SDCBP: variants seen among roughly 807,000 people sequenced by gnomAD.
SDCBP encodes syntenin-1.
A neutral mutation model predicts 30.5 loss-of-function variants in SDCBP; 22 were observed. That is an observed-to-expected ratio of 0.72 (90% CI 0.52 to 1.03). SDCBP has a LOEUF of 1.03. Among genes scored for constraint, SDCBP ranks in the 50% least tolerant of loss-of-function variants. SDCBP has a pLI of 0.00. For missense variants in SDCBP, 304 were observed against 369.9 expected (o/e 0.82, Z 1.46); for synonymous variants, 103 against 118.7 (o/e 0.87, Z 0.86).
chr8:58,555,169 C>G (rs1204048389), intron 1 of SDCBP, among the ~76,000 whole-genome samples: 1 of 152,166 alleles, frequency 6.6e-6, no homozygotes, highest in Non-Finnish European at 1.5e-5. Context: ...TGCTGTTACA[C>G]TCAGTGCTGC....
At chr8:58,558,439 C>T (rs114985297) in intron 1 of SDCBP, among the ~76,000 whole-genome samples, 2,187 of 152,122 alleles carry the variant, frequency 0.014, 62 homozygotes, top group African/African-American at 0.051. Context: ...GTGCTGCTGT[C>T]CCTGGCTAGT....
rs138362948 is a variant in SDCBP, at chr8:58,557,910, G to A, written c.-16+4607G>A. On this transcript the variant is annotated intron_variant, in intron 1 of 8. Coordinates refer to ENST00000260130, the MANE Select transcript of SDCBP (RefSeq NM_005625.4). ...ATAAGAGTTGCAAGTGAGGTAAAATGAGATTCTTCCACTGATGTAATAGTT... is the reference window on the plus strand; with the variant it reads ...ATAAGAGTTGCAAGTGAGGTAAAATAAGATTCTTCCACTGATGTAATAGTT... Among the ~76,000 whole-genome samples the A allele has an allele frequency of 8.7e-3, 1,322 of 152,278 alleles. 22 individuals carry two copies. Among genetic ancestry groups the A allele is most frequent in the African/African-American group, 0.03 (1,237 of 41,556 alleles).
chr8:58,577,990 C>G (rs750609968), intron 5 of SDCBP, 43 bp from the exon 6 acceptor site: 1 of 1,443,938 alleles, frequency 6.9e-7, no homozygotes, highest in South Asian at 1.1e-5. Flanking sequence ...AAAACCGTAT[C>G]ATAGTAGTGG....
chr8:58,572,798 ATCT>A (rs1162515493), intron 4 of SDCBP, among the ~76,000 whole-genome samples: 1 of 116,746 alleles, frequency 8.6e-6, no homozygotes, highest in Non-Finnish European at 1.7e-5. Context: ...GTTGCTCATA[ATCT>A]TTTTTTTTTT....
At chr8:58,565,175 T>C in intron 2 of SDCBP, 91 bp downstream of exon 2, 1 of 572,492 alleles carries the variant, frequency 1.7e-6, no homozygotes, top group Non-Finnish European at 3.0e-6. Context: ...AAATAGCAGA[T>C]ATATTTGTTC....
intron 4 of SDCBP, among the ~76,000 whole-genome samples, chr8:58,573,814 A>G (rs1805174856): frequency 6.6e-6 from 1 of 152,208 alleles, no homozygotes; most frequent in Non-Finnish European, 1.5e-5. Flanking sequence ...GCTGACAAAC[A>G]GTAGTTTAAT....
chr8:58,567,162 G>A (rs1804744659), intron 2 of SDCBP, among the ~76,000 whole-genome samples: 1 of 152,148 alleles, frequency 6.6e-6, no homozygotes, highest in Non-Finnish European at 1.5e-5. Flanking sequence ...TTCAAAGTAA[G>A]TTTGAAATAA....
intron 5 of SDCBP, among the ~76,000 whole-genome samples, chr8:58,576,940 G>A (rs542634375): frequency 8.3e-4 from 127 of 152,326 alleles, no homozygotes; most frequent in African/African-American, 2.8e-3. Context: ...TGAGGCCATC[G>A]ATGATGGCCT....
chr8:58,564,768 T>C (rs763101457), intron 1 of SDCBP, among the ~76,000 whole-genome samples: 4 of 152,222 alleles, frequency 2.6e-5, no homozygotes, highest in Non-Finnish European at 5.9e-5. Context: ...GGACTTTTAC[T>C]TGAATTTTAA....
intron 1 of SDCBP, chr8:58,561,612 CTT>C: frequency 2.0e-6 from 1 of 494,646 alleles, no homozygotes; most frequent in Non-Finnish European, 3.6e-6. Flanking sequence ...TGTGGCAAAA[CTT>C]TTCTTTAAAA....
In SDCBP at chr8:58,570,949, T is replaced by C. The variant is rs201808583; in HGVS notation, c.114T>C (p.Pro38=). ...CAATTTTGTCAGAAGCTTCTGCTCCTATCCCTCACGATGGAAGTAGGTTTA... is the reference window on the plus strand; with the variant it reads ...CAATTTTGTCAGAAGCTTCTGCTCCCATCCCTCACGATGGAAGTAGGTTTA... The part of the protein sequence containing the change: ...NPAILSEASA[P]IPHDGNLYPR... Residue 38 remains proline (P), a synonymous_variant, in exon 3 of 9, where the codon CCT becomes CCC. Coordinates refer to ENST00000260130, the MANE Select transcript of SDCBP (RefSeq NM_005625.4). 1.4e-5 allele frequency: 23 copies of C among 1,611,472 alleles called. No individual in the cohort carries two copies. The East Asian group carries it at 5.1e-4, about 36-fold the overall frequency.
chr8:58,576,446 C>T (rs1563514388), intron 5 of SDCBP: 1 of 156,598 alleles, frequency 6.4e-6, no homozygotes. Flanking sequence ...GACGGAGTCT[C>T]GTTCTGTCGC....
intron 1 of SDCBP, among the ~76,000 whole-genome samples, chr8:58,555,189 A>G (rs905319536): frequency 2.6e-5 from 4 of 152,290 alleles, no homozygotes; most frequent in East Asian, 1.9e-4. Flanking sequence ...CAGTGAATCA[A>G]CTTTTACATA....
At chr8:58,570,672 T>A in intron 2 of SDCBP, 1 of 443,906 alleles carries the variant, frequency 2.3e-6, no homozygotes, top group Non-Finnish European at 4.0e-6. Context: ...AATTTTTTTG[T>A]GATAGCCTTA....
chr8:58,563,235 G>A (rs985846323), intron 1 of SDCBP, among the ~76,000 whole-genome samples: 2 of 152,108 alleles, frequency 1.3e-5, no homozygotes, highest in African/African-American at 4.8e-5. Flanking sequence ...ACATACAATG[G>A]AATATTATTC....
At chr8:58,556,872 T>C (rs1211512236) in intron 1 of SDCBP, among the ~76,000 whole-genome samples, 4 of 68,148 alleles carry the variant, frequency 5.9e-5, no homozygotes, top group Non-Finnish European at 1.3e-4. Flanking sequence ...ACATATATAA[T>C]ACATATATAT....
intron 2 of SDCBP, among the ~76,000 whole-genome samples, chr8:58,567,065 T>G (rs2129607759): frequency 6.6e-6 from 1 of 152,336 alleles, no homozygotes; most frequent in East Asian, 1.9e-4. Flanking sequence ...GCATGTTTTT[T>G]CCACATCCTT....
chr8:58,557,064 TATATA>T (rs1804164133), intron 1 of SDCBP, among the ~76,000 whole-genome samples: 1 of 129,358 alleles, frequency 7.7e-6, no homozygotes, highest in Non-Finnish European at 1.5e-5. Flanking sequence ...TATACTATAT[TATATA>T]GTATAGTATA....
Position 58,572,231 on chromosome 8 carries a change from C to A in SDCBP, c.157C>A (p.Leu53Ile), listed in dbSNP as rs1407384132. The change falls in exon 4 of 9, where the codon CTC (leucine) becomes ATC (isoleucine). Residue 53 changes from leucine (L) to isoleucine (I), a missense_variant. By Grantham distance (5) the Leu-to-Ile change is conservative (BLOSUM62 2). Coordinates refer to ENST00000260130, the MANE Select transcript of SDCBP (RefSeq NM_005625.4). ...TCTCTATCCCAGACTGTATCCAGAG[C>A]TCTCTCAATACATGGGGCTGAGTTT... ...GNLYPRLYPE[L>I]SQYMGLSLNE... is the part of the protein sequence containing the mutation. 2 of 1,608,964 alleles carry A rather than the reference C, an allele frequency of 1.2e-6. No homozygotes were observed. Among genetic ancestry groups the A allele is most frequent in the African/African-American group, 2.7e-5 (2 of 74,776 alleles).
Sources: allele counts gnomAD v4.1 joint callset (sites outside exome capture counted in the v4.1 genomes callset), GRCh38; gene constraint gnomAD v4.1.1; transcripts MANE v1.5; gene names NCBI Gene and HGNC (gene_info 2026-07-23, HGNC 2026-07-21).